The following HSP90AA1 variants were observed in gnomAD, a reference collection of about 807,000 sequenced individuals.
The protein encoded by HSP90AA1 is heat shock protein 90 alpha family class A member 1.
HSP90AA1 carries 18 observed loss-of-function variants against 73.3 expected under a neutral mutation model. That is an observed-to-expected ratio of 0.25 (90% confidence interval 0.17 to 0.36). The LOEUF (loss-of-function observed/expected upper bound fraction) is 0.36, where lower values mean the gene tolerates loss of function less well. HSP90AA1 is among the 10% of genes least tolerant of loss of function. The probability of loss-of-function intolerance (pLI) is 1.00; values close to 1 mark genes in which losing one functional copy is unlikely to be tolerated. For synonymous variants in HSP90AA1, 477 were observed against 296.9 expected (o/e 1.61, Z -6.24); for missense variants, 704 against 874.2 (o/e 0.81, Z 2.45).
chr14:102,086,691 C>G (rs1477535845), intron 1 of HSP90AA1, among the ~76,000 whole-genome samples: 1 of 150,790 alleles, frequency 6.6e-6, no homozygotes, highest in African/African-American at 2.4e-5. Context: ...GCCTGCGCCC[C>G]CAGCGGGGCC....
intron 1 of HSP90AA1, among the ~76,000 whole-genome samples, chr14:102,134,880 C>A (rs1464332143): frequency 1.3e-5 from 2 of 152,320 alleles, no homozygotes; most frequent in Admixed American, 1.3e-4. Context: ...TCTTATCTGG[C>A]CCCACCCACA....
chr14:102,137,418 C>T (rs561981903), intron 1 of HSP90AA1, among the ~76,000 whole-genome samples: 9 of 151,862 alleles, frequency 5.9e-5, no homozygotes, highest in South Asian at 4.2e-4. Context: ...CTCCACCTCC[C>T]GGGTTCAAGC....
At chr14:102,138,045 G>A (rs372021760) in intron 1 of HSP90AA1, among the ~76,000 whole-genome samples, 1 of 151,702 alleles carries the variant, frequency 6.6e-6, no homozygotes, top group Admixed American at 6.6e-5. Context: ...CAAAGGCTAT[G>A]CATGAGACAA....
At chr14:102,086,160 C>A (rs1192979222) in intron 2 of HSP90AA1, 36 bp from the exon 3 acceptor site, 1 of 1,613,906 alleles carries the variant, frequency 6.2e-7, no homozygotes, top group Non-Finnish European at 8.5e-7. Context: ...GCATACAGCA[C>A]CCCCAAGAAG....
intron 2 of HSP90AA1, among the ~76,000 whole-genome samples, chr14:102,100,683 C>T (rs1161304027): frequency 6.6e-6 from 1 of 152,222 alleles, no homozygotes; most frequent in Non-Finnish European, 1.5e-5. Context: ...CCTGGGCCTC[C>T]CAAACTGCTG....
chr14:102,134,181 T>C (rs1457855834), intron 1 of HSP90AA1, among the ~76,000 whole-genome samples: 1 of 148,538 alleles, frequency 6.7e-6, no homozygotes, highest in Non-Finnish European at 1.5e-5. Context: ...CTATAAAAAA[T>C]ACAAAAATTA....
Position 102,085,850 on chromosome 14 carries a change from T to G in HSP90AA1, c.437A>C (p.Glu146Ala), listed in dbSNP as rs2049218741. Residue 146 changes from glutamate to alanine, a missense_variant, in exon 3 of 11, where the codon GAG (glutamate) becomes GCG (alanine). Physicochemically the swap from Glu to Ala is moderately radical, Grantham distance 107 (BLOSUM62 -1). Coordinates refer to ENST00000216281, the MANE Select transcript of HSP90AA1 (RefSeq NM_005348.4). The stretch of plus-strand genomic sequence containing the variant: ...ATGTTTGGTGATCACAGTTACTTTC[T>G]CAGCAACCAAATAAGCAGAATAAAA... ...VGFYSAYLVA[E>A]KVTVITKHND... The G allele has an allele frequency of 6.2e-7, 1 of 1,613,808 alleles. No homozygotes were observed. Among genetic ancestry groups the G allele is most frequent in the Non-Finnish European group, 8.5e-7 (1 of 1,179,870 alleles).
At chr14:102,092,366 A>G (rs755069172) in intron 2 of HSP90AA1, among the ~76,000 whole-genome samples, 6 of 151,990 alleles carry the variant, frequency 3.9e-5, no homozygotes, top group Non-Finnish European at 5.9e-5. Flanking sequence ...CCACCATGCT[A>G]TTATTGATTT....
upstream of HSP90AA1, among the ~76,000 whole-genome samples, chr14:102,088,416 C>T (rs116628428): frequency 7.3e-3 from 1,118 of 152,334 alleles, 12 homozygotes; most frequent in African/African-American, 0.021. Context: ...ACCTCCGCTT[C>T]CTGGTCTTTA....
chr14:102,086,370 C>T lies in HSP90AA1; in HGVS notation c.9G>A (p.Glu3=). 3 of 1,614,204 alleles carry T rather than the reference C, an allele frequency of 1.9e-6. No individual in the cohort carries two copies. Among genetic ancestry groups the T allele is most frequent in the East Asian group, 2.2e-5 (1 of 44,884 alleles). MP[E]ETQTQDQPME... Reference sequence around the variant, plus strand: ...TCGGTTGGTCTTGGGTCTGGGTTTCCTCAGGCATCTGGAACGACACCGCGC... The same window carrying T: ...TCGGTTGGTCTTGGGTCTGGGTTTCTTCAGGCATCTGGAACGACACCGCGC... The change falls in exon 2 of 11, where the codon GAG becomes GAA. Residue 3 remains glutamate (E), a synonymous_variant. Transcript: ENST00000216281.
chr14:102,086,938 G>C, intron 1 of HSP90AA1, 48 bp downstream of exon 1: 1 of 950,100 alleles, frequency 1.1e-6, no homozygotes, highest in Non-Finnish European at 1.3e-6. Flanking sequence ...GCCGCCCCCA[G>C]TCCCGGTCCC....
upstream of HSP90AA1, among the ~76,000 whole-genome samples, chr14:102,089,891 G>A (rs1399346200): frequency 1.3e-5 from 2 of 152,096 alleles, no homozygotes; most frequent in African/African-American, 2.4e-5. Flanking sequence ...CACCTGGAAG[G>A]CCTCCATAAC....
chr14:102,135,407 C>A (rs537150646), intron 1 of HSP90AA1, among the ~76,000 whole-genome samples: 2 of 152,406 alleles, frequency 1.3e-5, no homozygotes, highest in Admixed American at 1.3e-4. Flanking sequence ...AAACCTTGAG[C>A]TAAACACAGG....
In HSP90AA1 at chr14:102,086,649, C is replaced by T. The variant is rs1218001107; in HGVS notation, c.1-271G>A. Among the ~76,000 whole-genome samples, 3 of 151,064 alleles carry T rather than the reference C, an allele frequency of 2.0e-5. No homozygotes were observed. The East Asian group carries it at 5.8e-4, about 29-fold the overall frequency. On this transcript the variant is annotated intron_variant, in intron 1 of 10. Coordinates refer to ENST00000216281, the MANE Select transcript of HSP90AA1 (RefSeq NM_005348.4). The stretch of plus-strand genomic sequence containing the variant: ...CGAACACCCCGGGTGCCCTCCCGCG[C>T]GGGCTGCGGCTCCGCCACGGCGGCC...
chr14:102,088,589 G>T (rs528783977), upstream of HSP90AA1, among the ~76,000 whole-genome samples: 1 of 152,188 alleles, frequency 6.6e-6, no homozygotes, highest in African/African-American at 2.4e-5. Context: ...GTGGTGACCG[G>T]GTGTGTGCCT....
intron 2 of HSP90AA1, among the ~76,000 whole-genome samples, chr14:102,096,374 G>A (rs772374081): frequency 1.3e-5 from 2 of 152,122 alleles, no homozygotes; most frequent in Admixed American, 6.5e-5. Context: ...TGCACTCAGG[G>A]CCCCTCAGAT....
chr14:102,087,891 T>A (rs1566722829), upstream of HSP90AA1, among the ~76,000 whole-genome samples: 1 of 151,544 alleles, frequency 6.6e-6, no homozygotes. Context: ...GGTCTCCAAA[T>A]TAAGTATCTA....
intron 1 of HSP90AA1, among the ~76,000 whole-genome samples, chr14:102,103,843 A>G (rs912847236): frequency 6.6e-6 from 1 of 151,952 alleles, no homozygotes; most frequent in African/African-American, 2.4e-5. Context: ...TCTCTACAAA[A>G]AAATATAAAA....
upstream of HSP90AA1, among the ~76,000 whole-genome samples, chr14:102,088,522 A>C (rs2049302985): frequency 6.6e-6 from 1 of 152,214 alleles, no homozygotes; most frequent in South Asian, 2.1e-4. Flanking sequence ...CTTGCCTGGC[A>C]TTACAAAGCG....
Sources: allele counts gnomAD v4.1 joint callset (sites outside exome capture counted in the v4.1 genomes callset), GRCh38; gene constraint gnomAD v4.1.1; transcripts MANE v1.5; gene names NCBI Gene and HGNC (gene_info 2026-07-23, HGNC 2026-07-21).